FMR1NB: variants seen among roughly 807,000 people sequenced by gnomAD.
FMR1NB encodes FMR1 neighbor, also known as FMR1 neighbor protein.
A neutral mutation model predicts 16.8 loss-of-function variants in FMR1NB; 10 were observed. The observed-to-expected ratio is 0.60, with a 90% confidence interval of 0.37 to 1.01. The LOEUF (loss-of-function observed/expected upper bound fraction) is 1.01, where lower values mean the gene tolerates loss of function less well. FMR1NB is among the 50% of genes least tolerant of loss of function. FMR1NB has a pLI of 0.01. For missense variants in FMR1NB, 205 were observed against 204.8 expected (o/e 1.00, Z 0.00); for synonymous variants, 83 against 79.1 (o/e 1.05, Z -0.26).
intron 1 of FMR1NB, among the ~76,000 whole-genome samples, chrX:147,997,175 GC>G (rs2044546042): frequency 9.0e-6 from 1 of 111,533 alleles, no homozygotes; most frequent in Admixed American, 9.5e-5. Flanking sequence ...AAAGAACAAA[GC>G]TGGAGGCATC....
At chrX:148,018,687 A>G (rs1387600906) in intron 4 of FMR1NB, among the ~76,000 whole-genome samples, 1 of 111,082 alleles carries the variant, frequency 9.0e-6, no homozygotes, top group Non-Finnish European at 1.9e-5. Context: ...GATGGATTAA[A>G]GACTTAAACG....
At chrX:147,990,871 A>G (rs781942085) in intron 1 of FMR1NB, among the ~76,000 whole-genome samples, 4 of 110,027 alleles carry the variant, frequency 3.6e-5, no homozygotes, top group Non-Finnish European at 5.7e-5. Context: ...ACATGGGACT[A>G]ACCTTCTTCA....
intron 1 of FMR1NB, among the ~76,000 whole-genome samples, chrX:148,001,245 T>A (rs2044568903): frequency 8.9e-6 from 1 of 111,914 alleles, no homozygotes; most frequent in African/African-American, 3.2e-5. Flanking sequence ...GGTGAAAAAA[T>A]TTTGTAACAT....
At chrX:148,002,183 A>G (rs2044574025) in intron 1 of FMR1NB, among the ~76,000 whole-genome samples, 1 of 112,065 alleles carries the variant, frequency 8.9e-6, no homozygotes, top group South Asian at 3.7e-4. Flanking sequence ...CTTGAAAAAA[A>G]TATTTTAAAT....
chrX:147,989,341 A>G (rs1487754747), intron 1 of FMR1NB, among the ~76,000 whole-genome samples: 1 of 112,161 alleles, frequency 8.9e-6, no homozygotes, highest in African/African-American at 3.2e-5. Flanking sequence ...GCTGCAGAAC[A>G]GCAAAGATTG....
chrX:148,001,178 A>G (rs1166526809), intron 1 of FMR1NB, among the ~76,000 whole-genome samples: 1 of 112,149 alleles, frequency 8.9e-6, no homozygotes, highest in Non-Finnish European at 1.9e-5. Context: ...TACAATGATA[A>G]ACCTTATTCA....
At chrX:148,010,446 C>T (rs994974206) in intron 4 of FMR1NB, among the ~76,000 whole-genome samples, 5 of 111,189 alleles carry the variant, frequency 4.5e-5, no homozygotes, top group South Asian at 3.8e-4. Flanking sequence ...TGTGTAAGAA[C>T]GGGGAAATCC....
chrX:148,016,468 G>A, intron 4 of FMR1NB, among the ~76,000 whole-genome samples: 1 of 111,489 alleles, frequency 9.0e-6, no homozygotes, highest in South Asian at 3.8e-4. Flanking sequence ...TTATTGATAA[G>A]TAATGACTTA....
intron 1 of FMR1NB, among the ~76,000 whole-genome samples, chrX:147,983,547 T>A (rs782139903): frequency 6.2e-5 from 7 of 112,220 alleles, no homozygotes; most frequent in Non-Finnish European, 1.1e-4. Flanking sequence ...AGAAATGTCT[T>A]TTCAATTATT....
intron 1 of FMR1NB, among the ~76,000 whole-genome samples, chrX:147,987,180 A>C (rs1157410797): frequency 9.0e-6 from 1 of 111,701 alleles, no homozygotes; most frequent in Non-Finnish European, 1.9e-5. Flanking sequence ...TTGTATCCTG[A>C]GACTTTGCTG....
At chrX:148,018,682 A>T (rs1334085699) in intron 4 of FMR1NB, among the ~76,000 whole-genome samples, 1 of 111,063 alleles carries the variant, frequency 9.0e-6, no homozygotes, top group African/African-American at 3.3e-5. Flanking sequence ...TTCAAGATGG[A>T]TTAAAGACTT....
intron 1 of FMR1NB, among the ~76,000 whole-genome samples, chrX:147,991,775 C>A (rs782375910): frequency 1.4e-3 from 145 of 106,490 alleles, no homozygotes; most frequent in African/African-American, 4.9e-3. Context: ...GAACAAAGGT[C>A]TCTGGTTTTC....
At chrX:147,992,007 GA>G (rs782498453) in intron 1 of FMR1NB, among the ~76,000 whole-genome samples, 1 of 112,251 alleles carries the variant, frequency 8.9e-6, no homozygotes, top group African/African-American at 3.2e-5. Flanking sequence ...TCCCAAGGCA[GA>G]GGAATTTCTC....
intron 1 of FMR1NB, among the ~76,000 whole-genome samples, chrX:147,988,624 C>T (rs1195189833): frequency 9.0e-6 from 1 of 111,630 alleles, no homozygotes; most frequent in Non-Finnish European, 1.9e-5. Flanking sequence ...CCATTCTCCC[C>T]GTCACTTTCA....
intron 4 of FMR1NB, among the ~76,000 whole-genome samples, chrX:148,016,390 T>C (rs1557190135): frequency 9.0e-6 from 1 of 111,704 alleles, no homozygotes; most frequent in Admixed American, 9.5e-5. Context: ...TTGGGTCTCA[T>C]TTTTATATCC....
chrX:147,997,058 G>T (rs112441208), intron 1 of FMR1NB, among the ~76,000 whole-genome samples: 1,277 of 111,434 alleles, frequency 0.011, 22 homozygotes, highest in African/African-American at 0.038. Flanking sequence ...TGAGAAAAAG[G>T]CTTGTGTGCT....
At chrX:147,997,314 A>T (rs782785862) in intron 1 of FMR1NB, among the ~76,000 whole-genome samples, 4 of 112,068 alleles carry the variant, frequency 3.6e-5, no homozygotes, top group Admixed American at 9.5e-5. Flanking sequence ...CACATCTACA[A>T]CCATCTGATC....
chrX:148,009,965 C>G (rs2044615630), intron 4 of FMR1NB, among the ~76,000 whole-genome samples: 1 of 111,669 alleles, frequency 9.0e-6, no homozygotes, highest in African/African-American at 3.3e-5. Flanking sequence ...GTAACATTTG[C>G]TAGAAATTGG....
chrX:148,012,054 A>G (rs1026916859), intron 4 of FMR1NB, among the ~76,000 whole-genome samples: 2 of 111,819 alleles, frequency 1.8e-5, no homozygotes, highest in Admixed American at 9.5e-5. Flanking sequence ...TTTATCCTCA[A>G]TAGGGATCAG....
Sources: gnomAD v4.1 joint callset for allele counts (sites outside exome capture counted in the v4.1 genomes callset) on GRCh38, gnomAD v4.1.1 for gene constraint, MANE v1.5 for transcripts, NCBI Gene and HGNC (gene_info 2026-07-23, HGNC 2026-07-21) for gene names.